Variants in AHNAK observed in about 807,000 individuals in gnomAD.
AHNAK encodes neuroblast differentiation-associated protein AHNAK.
In AHNAK, 23 loss-of-function variants were observed where a neutral mutation model predicts 37.8. The ratio of observed to expected loss-of-function variants is 0.61; its 90% CI spans 0.44 to 0.86. The LOEUF (loss-of-function observed/expected upper bound fraction) is 0.86. Among genes scored for constraint, AHNAK ranks in the 40% least tolerant of loss-of-function variants. The pLI, the probability that AHNAK is intolerant of heterozygous loss-of-function variation, is 0.00. For synonymous variants in AHNAK, 2,481 were observed against 2,636.3 expected (o/e 0.94, Z 1.80); for missense variants, 7,411 against 7,319.4 (o/e 1.01, Z -0.46).
At chr11:62,486,468 C>A (rs925504629) in intron 5 of AHNAK, among the ~76,000 whole-genome samples, 1 of 145,882 alleles carries the variant, frequency 6.9e-6, no homozygotes, top group Non-Finnish European at 1.5e-5. Context: ...AGCTAAACTC[C>A]GAAACTCTGT....
chr11:62,491,772 G>T (rs772177391), exon 5 of AHNAK: 1 of 1,612,988 alleles, frequency 6.2e-7, no homozygotes. Context: ...CGGCTTGGCT[G>T]CTGGCTTCCT....
Position 62,526,433 on chromosome 11 carries a change from G to C in AHNAK, c.7984C>G (p.Leu2662Val). The change falls in exon 5 of 5, where the codon CTG (leucine) becomes GTG (valine). Residue 2662 changes from leucine (L) to valine (V), a missense_variant. Transcript: ENST00000378024. ...GAGACATCAATGTCAGCCTTGGGCA[G>C]CTTCACATCCCCATCTGGGCCCTCT... ...KGEGPDGDVK[L>V]PKADIDVSGP... 6.2e-7 allele frequency: 1 copy of C among 1,610,784 alleles called. No homozygotes were observed. The highest frequency in any genetic ancestry group is 8.5e-7 in the Non-Finnish European group (1 of 1,179,310).
rs1449620354 is a variant in AHNAK, at chr11:62,517,609, G to A, written c.16808C>T (p.Ser5603Phe). ...AGATGTGTCCAAGTTGAGAGCAGAGGAGACTTGGGGTCCCTTCCACTCACC... is the reference window on the plus strand; with the variant it reads ...AGATGTGTCCAAGTTGAGAGCAGAGAAGACTTGGGGTCCCTTCCACTCACC... ...SGGEWKGPQV[S>F]SALNLDTSKF... Residue 5603 changes from serine to phenylalanine, a missense_variant, in exon 5 of 5, where the codon TCC becomes TTC. By Grantham distance (155) the Ser-to-Phe change is radical. Coordinates refer to ENST00000378024, the MANE Select transcript of AHNAK (RefSeq NM_001620.3). The A allele has an allele frequency of 6.2e-7, 1 of 1,613,974 alleles. No individual in the cohort carries two copies. The highest frequency in any genetic ancestry group is 8.5e-7 in the Non-Finnish European group (1 of 1,180,034).
intron 5 of AHNAK, among the ~76,000 whole-genome samples, chr11:62,468,626 G>A (rs546175427): frequency 6.8e-4 from 103 of 152,138 alleles, no homozygotes; most frequent in Non-Finnish European, 1.1e-3. Context: ...GATAACAGCC[G>A]AATCCTCAAA....
At chr11:62,544,163 C>T (rs947538046) in intron 1 of AHNAK, among the ~76,000 whole-genome samples, 1 of 152,124 alleles carries the variant, frequency 6.6e-6, no homozygotes. Context: ...CTGGCAGCAC[C>T]GCCACCTTTC....
chr11:62,529,016 C>A lies in AHNAK; in HGVS notation c.5401G>T (p.Ala1801Ser). 1 of 1,614,182 alleles carries A rather than the reference C, an allele frequency of 6.2e-7. No individual in the cohort carries two copies. The highest frequency in any genetic ancestry group is 1.1e-5 in the South Asian group (1 of 91,086). ...TCACCTTCCAGTTCTGGCACAGAAG[C>A]ATCTATCTCTCCCTTCAGTTTGGGT... is the stretch of plus-strand genomic sequence containing the variant. ...KGPKLKGEIDASVPELEGDLR... is the reference protein window; with the variant it reads ...KGPKLKGEIDSSVPELEGDLR... The change falls in exon 5 of 5, where the codon GCT becomes TCT. Residue 1801 changes from alanine to serine, a missense_variant. By Grantham distance (99) the Ala-to-Ser change is moderately conservative. Coordinates refer to ENST00000378024, the MANE Select transcript of AHNAK (RefSeq NM_001620.3).
downstream of AHNAK, among the ~76,000 whole-genome samples, chr11:62,511,523 T>C (rs967973919): frequency 2.0e-5 from 3 of 152,158 alleles, no homozygotes; most frequent in African/African-American, 7.2e-5. Context: ...CCCAAAGTGC[T>C]GGGATTATAG....
intron 5 of AHNAK, among the ~76,000 whole-genome samples, chr11:62,436,938 CAA>C (rs35477247): frequency 0.14 from 20,338 of 144,428 alleles, 1,623 homozygotes; most frequent in Middle Eastern, 0.2. Flanking sequence ...GACTCTGTCT[CAA>C]AAAAAAAAAA....
intron 5 of AHNAK, among the ~76,000 whole-genome samples, chr11:62,483,584 C>T (rs977588815): frequency 6.7e-6 from 1 of 149,774 alleles, no homozygotes; most frequent in African/African-American, 2.5e-5. Flanking sequence ...TACAGCCAGG[C>T]GCGGTGGCTC....
chr11:62,509,840 C>T (rs1375286564), intron 4 of AHNAK, among the ~76,000 whole-genome samples: 3 of 151,970 alleles, frequency 2.0e-5, no homozygotes, highest in African/African-American at 4.8e-5. Context: ...ATCGCCTGAA[C>T]CTAGGAGGTG....
chr11:62,518,654 C>T lies in AHNAK; in HGVS notation c.15763G>A (p.Val5255Ile). 1 of 1,614,174 alleles carries T rather than the reference C, an allele frequency of 6.2e-7. No individual in the cohort carries two copies. Among genetic ancestry groups the T allele is most frequent in the Non-Finnish European group, 8.5e-7 (1 of 1,180,030 alleles). ...TCAAGAGAGGGTAGCTGGGCATGGA[C>T]CTCGGCTCCCCCACCCTCCATTTTC... ...GVKMEGGGAE[V>I]HAQLPSLEGD... is the part of the protein sequence containing the mutation. Residue 5255 changes from valine to isoleucine, a missense_variant, in exon 5 of 5, where the codon GTC becomes ATC. Transcript: ENST00000378024.
At chr11:62,458,432 G>A (rs1053896072) in intron 5 of AHNAK, among the ~76,000 whole-genome samples, 3 of 152,064 alleles carry the variant, frequency 2.0e-5, no homozygotes, top group Admixed American at 1.3e-4. Context: ...GTTCTGAGAC[G>A]GGAGAGTCTG....
chr11:62,537,344 C>G (rs1478955319), intron 1 of AHNAK: 2 of 152,340 alleles, frequency 1.3e-5, no homozygotes, highest in African/African-American at 4.8e-5. Context: ...GCAGCCTCGA[C>G]CTCCTGGGCT....
At chr11:62,443,478 G>C (rs1938357500) in intron 5 of AHNAK, among the ~76,000 whole-genome samples, 1 of 151,312 alleles carries the variant, frequency 6.6e-6, no homozygotes, top group African/African-American at 2.4e-5. Context: ...CTCCATGTTG[G>C]TCAGGCTGGT....
chr11:62,531,904 ACAT>A lies in AHNAK; in HGVS notation c.2510_2512del (p.Asp837del). The A allele has an allele frequency of 6.2e-7, 1 of 1,612,642 alleles. No individual in the cohort carries two copies. Among genetic ancestry groups the A allele is most frequent in the Non-Finnish European group, 8.5e-7 (1 of 1,179,746 alleles). On this transcript the variant is annotated inframe_deletion, in exon 5 of 5. Transcript: ENST00000378024. The stretch of plus-strand genomic sequence containing the variant: ...CTCACTTTCAACCTTTGGCATTGTG[ACAT>A]CATATTCTCCCTTTACGTTAGGGCC...
Position 62,530,798 on chromosome 11 carries a change from G to A in AHNAK, c.3619C>T (p.Pro1207Ser), listed in dbSNP as rs533267424. The A allele has an allele frequency of 2.5e-6, 4 of 1,612,536 alleles. No individual in the cohort carries two copies. Among genetic ancestry groups the A allele is most frequent in the Middle Eastern group, 1.7e-4 (1 of 6,054 alleles). The part of the protein sequence containing the change: ...MPDVDLHLKG[P>S]KVKGDVDVSV... ...ACATCCACATCCCCTTTGACTTTGG[G>A]GCCTTTCAAGTGTAAGTCCACATCA... The change falls in exon 5 of 5, where the codon CCC becomes TCC. Residue 1207 changes from proline to serine, a missense_variant. By Grantham distance (74) the Pro-to-Ser change is moderately conservative. Coordinates refer to ENST00000378024, the MANE Select transcript of AHNAK (RefSeq NM_001620.3).
At chr11:62,485,256 G>T (rs1455745439) in intron 5 of AHNAK, among the ~76,000 whole-genome samples, 1 of 152,090 alleles carries the variant, frequency 6.6e-6, no homozygotes, top group Non-Finnish European at 1.5e-5. Flanking sequence ...TTAAAAATTA[G>T]TCAGGCATGG....
intron 5 of AHNAK, among the ~76,000 whole-genome samples, chr11:62,440,205 C>A (rs886677403): frequency 6.6e-6 from 1 of 152,132 alleles, no homozygotes; most frequent in Non-Finnish European, 1.5e-5. Flanking sequence ...TCGTGGCTTT[C>A]TCAAGCTCAC....
At chr11:62,493,013 T>TTTCTTTTC (rs1939531726) in intron 4 of AHNAK, among the ~76,000 whole-genome samples, 5 of 141,032 alleles carry the variant, frequency 3.5e-5, no homozygotes, top group African/African-American at 1.4e-4. Context: ...TTTCTTTTCT[T>TTTCTTTTC]TTTTTTTTTT....
Sources: gnomAD v4.1 joint callset for allele counts (sites outside exome capture counted in the v4.1 genomes callset) on GRCh38, gnomAD v4.1.1 for gene constraint, MANE v1.5 for transcripts, NCBI Gene and HGNC (gene_info 2026-07-23, HGNC 2026-07-21) for gene names.